Variants in PPP2R2A observed in about 807,000 individuals in gnomAD.
PPP2R2A encodes serine/threonine-protein phosphatase 2A 55 kDa regulatory subunit B alpha isoform.
Under a neutral mutation model 53.2 loss-of-function variants are expected in PPP2R2A, and 9 were observed. The observed-to-expected ratio is 0.17, with a 90% confidence interval of 0.10 to 0.30. The LOEUF (loss-of-function observed/expected upper bound fraction) is 0.30, where lower values mean the gene tolerates loss of function less well. PPP2R2A is among the 10% of genes least tolerant of loss of function. The probability of loss-of-function intolerance (pLI) is 1.00; values close to 1 mark genes in which losing one functional copy is unlikely to be tolerated. For missense variants in PPP2R2A, 235 were observed against 534.6 expected (o/e 0.44, Z 5.53); for synonymous variants, 169 against 174.2 (o/e 0.97, Z 0.23).
rs1349482382 is a variant in PPP2R2A, at chr8:26,362,293, G to A, written c.638-391G>A. Among the ~76,000 whole-genome samples the A allele has an allele frequency of 6.7e-6, 1 of 148,604 alleles. No homozygotes were observed. The highest frequency in any genetic ancestry group is 1.5e-5 in the Non-Finnish European group (1 of 67,068). The stretch of plus-strand genomic sequence containing the variant: ...GGATGGATCATGAGGTCAGGAGGTC[G>A]AGACCAGCCTGGCCAACATAGTGAA... On this transcript the variant is annotated intron_variant, in intron 6 of 9. Coordinates refer to ENST00000380737, the MANE Select transcript of PPP2R2A (RefSeq NM_002717.4). The surrounding 1 kb of genome is among the most constrained non-coding windows in gnomAD (Gnocchi z 4.4).
chr8:26,349,140 T>C (rs1310942744), intron 3 of PPP2R2A, among the ~76,000 whole-genome samples: 1 of 152,212 alleles, frequency 6.6e-6, no homozygotes. Flanking sequence ...TATGTGACTT[T>C]GCCTTTCTGT....
At chr8:26,315,390 C>T (rs1225207986) in intron 2 of PPP2R2A, among the ~76,000 whole-genome samples, 1 of 152,170 alleles carries the variant, frequency 6.6e-6, no homozygotes, top group East Asian at 1.9e-4. Context: ...CATCTTAAGC[C>T]TGGCTGCTGA....
At chr8:26,353,445 G>T (rs1804619536) in intron 3 of PPP2R2A, among the ~76,000 whole-genome samples, 1 of 152,154 alleles carries the variant, frequency 6.6e-6, no homozygotes, top group Non-Finnish European at 1.5e-5. Flanking sequence ...AATAGTAATA[G>T]GCTGTTTTTA....
At chr8:26,334,008 C>CT (rs11419341) in intron 2 of PPP2R2A, among the ~76,000 whole-genome samples, 35,868 of 151,390 alleles carry the variant, frequency 0.24, 4,762 homozygotes, top group East Asian at 0.43. Context: ...CATTACATTA[C>CT]TTTTTTTTTA....
At chr8:26,307,547 A>G (rs1359482950) in intron 2 of PPP2R2A, among the ~76,000 whole-genome samples, 1 of 152,246 alleles carries the variant, frequency 6.6e-6, no homozygotes, top group East Asian at 1.9e-4. Context: ...TTTTGTTAAT[A>G]TTCCTTAAAA....
chr8:26,358,741 A>T (rs1323225208), intron 4 of PPP2R2A, among the ~76,000 whole-genome samples: 1 of 152,206 alleles, frequency 6.6e-6, no homozygotes, highest in Non-Finnish European at 1.5e-5. Flanking sequence ...AAAAACTGTT[A>T]TACAATTGTA....
At chr8:26,333,446 C>A in intron 2 of PPP2R2A, 1 of 971,270 alleles carries the variant, frequency 1.0e-6, no homozygotes, top group Non-Finnish European at 1.4e-6. Context: ...ATAGGTAATA[C>A]AGTTATAACC....
intron 2 of PPP2R2A, among the ~76,000 whole-genome samples, chr8:26,323,545 T>C (rs939796011): frequency 6.6e-6 from 1 of 152,192 alleles, no homozygotes; most frequent in Non-Finnish European, 1.5e-5. Flanking sequence ...AAGACCTCCT[T>C]CTTGGGTTCG....
chr8:26,348,173 A>T (rs528377056), intron 3 of PPP2R2A, among the ~76,000 whole-genome samples: 25 of 152,264 alleles, frequency 1.6e-4, no homozygotes, highest in African/African-American at 6.0e-4. Flanking sequence ...TGGAGGCTTA[A>T]AAATATTCAT....
chr8:26,366,699 G>A (rs1417712547), intron 9 of PPP2R2A, among the ~76,000 whole-genome samples: 2 of 152,036 alleles, frequency 1.3e-5, no homozygotes, highest in East Asian at 3.9e-4. Context: ...CTTCAGCTTG[G>A]TTGTTATTCT....
intron 3 of PPP2R2A, among the ~76,000 whole-genome samples, chr8:26,353,585 A>AT (rs1804625574): frequency 6.6e-6 from 1 of 152,114 alleles, no homozygotes; most frequent in African/African-American, 2.4e-5. Flanking sequence ...AGACTTTCAA[A>AT]TTTTTTTATG....
chr8:26,304,265 T>A (rs569141574), intron 2 of PPP2R2A, among the ~76,000 whole-genome samples: 37 of 150,114 alleles, frequency 2.5e-4, no homozygotes, highest in Admixed American at 2.3e-3. Context: ...TTGACAGATT[T>A]AGTGTGTTCC....
intron 3 of PPP2R2A, among the ~76,000 whole-genome samples, chr8:26,342,755 T>C (rs142193694): frequency 2.0e-5 from 3 of 152,350 alleles, no homozygotes; most frequent in African/African-American, 7.2e-5. Context: ...TTATTCTTAA[T>C]GTGGTATTCC....
intron 2 of PPP2R2A, among the ~76,000 whole-genome samples, chr8:26,336,539 T>TA (rs1803670146): frequency 6.6e-6 from 1 of 152,160 alleles, no homozygotes; most frequent in African/African-American, 2.4e-5. Flanking sequence ...CTCTAGGTTT[T>TA]ACGTGTTCAG....
intron 2 of PPP2R2A, among the ~76,000 whole-genome samples, chr8:26,306,321 C>T (rs896201881): frequency 6.6e-6 from 1 of 151,800 alleles, no homozygotes; most frequent in East Asian, 1.9e-4. Context: ...ACTAAAAGTA[C>T]AAAAATTAGC....
At chr8:26,309,691 C>G (rs1200418365) in intron 2 of PPP2R2A, among the ~76,000 whole-genome samples, 1 of 152,146 alleles carries the variant, frequency 6.6e-6, no homozygotes, top group African/African-American at 2.4e-5. Flanking sequence ...CACTTGAACA[C>G]TTAAGAGGCC....
At chr8:26,315,924 C>T (rs1264348008) in intron 2 of PPP2R2A, among the ~76,000 whole-genome samples, 1 of 152,180 alleles carries the variant, frequency 6.6e-6, no homozygotes, top group East Asian at 1.9e-4. Flanking sequence ...ACTTGGTAAT[C>T]ACTTTCTATG....
intron 2 of PPP2R2A, among the ~76,000 whole-genome samples, chr8:26,311,661 C>CG (rs1340142747): frequency 2.0e-5 from 3 of 152,130 alleles, no homozygotes; most frequent in African/African-American, 7.2e-5. Flanking sequence ...GTCTGGGCAA[C>CG]GTAGCATGAC....
intron 2 of PPP2R2A, among the ~76,000 whole-genome samples, chr8:26,301,227 A>T (rs963830478): frequency 2.0e-5 from 3 of 152,046 alleles, no homozygotes; most frequent in Non-Finnish European, 4.4e-5. Context: ...AACAAGGTTT[A>T]TTTGTAATGC....
Sources: allele counts gnomAD v4.1 joint callset (sites outside exome capture counted in the v4.1 genomes callset), GRCh38; gene constraint gnomAD v4.1.1; non-coding constraint Gnocchi (gnomAD v3.1); transcripts MANE v1.5; gene names NCBI Gene and HGNC (gene_info 2026-07-23, HGNC 2026-07-21).